Variants in SGCZ observed in about 807,000 individuals in gnomAD.
SGCZ encodes the protein sarcoglycan zeta, also known as zeta-sarcoglycan.
Under a neutral mutation model 41.3 loss-of-function variants are expected in SGCZ, and 40 were observed. The observed-to-expected ratio is 0.97, with a 90% CI of 0.75 to 1.26. The LOEUF is 1.26. Ranked by LOEUF, SGCZ falls within the 50% of genes most tolerant of loss-of-function variation. The pLI, the probability that SGCZ is intolerant of heterozygous loss-of-function variation, is 0.00. For synonymous variants in SGCZ, 206 were observed against 137.5 expected (o/e 1.50, Z -3.49); for missense variants, 552 against 369.8 (o/e 1.49, Z -4.04).
intron 1 of SGCZ, among the ~76,000 whole-genome samples, chr8:14,974,473 G>C (rs1038019702): frequency 6.6e-6 from 1 of 152,128 alleles, no homozygotes; most frequent in Non-Finnish European, 1.5e-5. Context: ...AACCTGATGA[G>C]CATTTCCTAG....
intron 1 of SGCZ, among the ~76,000 whole-genome samples, chr8:14,605,720 T>C (rs571537873): frequency 6.6e-6 from 1 of 152,226 alleles, no homozygotes; most frequent in Non-Finnish European, 1.5e-5. Flanking sequence ...CACTTCTTAT[T>C]TGCAGATATA....
intron 3 of SGCZ, among the ~76,000 whole-genome samples, chr8:14,259,909 C>A (rs901149392): frequency 2.6e-5 from 4 of 152,014 alleles, no homozygotes; most frequent in African/African-American, 4.8e-5. Flanking sequence ...GGCAGTATGG[C>A]CATTTTCACG....
chr8:14,585,908 C>T (rs62498446), intron 1 of SGCZ, among the ~76,000 whole-genome samples: 1 of 152,008 alleles, frequency 6.6e-6, no homozygotes, highest in Non-Finnish European at 1.5e-5. Context: ...AAGTTGGCCA[C>T]ACAGTTGCTT....
chr8:14,433,700 G>A (rs1017876083), intron 2 of SGCZ, among the ~76,000 whole-genome samples: 1 of 152,244 alleles, frequency 6.6e-6, no homozygotes. Flanking sequence ...ACATAAACAC[G>A]CTCTCTGAGG....
chr8:15,069,604 T>C (rs1419605520), intron 1 of SGCZ, among the ~76,000 whole-genome samples: 1 of 152,226 alleles, frequency 6.6e-6, no homozygotes, highest in African/African-American at 2.4e-5. Flanking sequence ...TAATTCACTC[T>C]GACAGTTCTG....
intron 1 of SGCZ, among the ~76,000 whole-genome samples, chr8:14,620,822 C>T (rs1486116220): frequency 6.6e-6 from 1 of 152,144 alleles, no homozygotes; most frequent in Non-Finnish European, 1.5e-5. Flanking sequence ...GAAATAGGAA[C>T]ACTTTTACAC....
At chr8:15,097,864 GTGTATATATATATATATACGTGTGTA>G (rs1806429142) in intron 1 of SGCZ, among the ~76,000 whole-genome samples, 1 of 36,646 alleles carries the variant, frequency 2.7e-5, no homozygotes, top group African/African-American at 8.7e-5. Context: ...ATACGTGTGT[GTGTATATATATATATATACGTGTGTA>G]TATATATATA....
chr8:14,404,301 A>G (rs1279053029), intron 2 of SGCZ, among the ~76,000 whole-genome samples: 1 of 152,190 alleles, frequency 6.6e-6, no homozygotes, highest in African/African-American at 2.4e-5. Flanking sequence ...TATTATGCCA[A>G]ATAAATTACT....
intron 1 of SGCZ, among the ~76,000 whole-genome samples, chr8:14,574,154 C>G (rs1804640068): frequency 6.6e-6 from 1 of 152,038 alleles, no homozygotes; most frequent in Admixed American, 6.6e-5. Context: ...TTCATATAAC[C>G]TTTAGGATTG....
At chr8:15,084,532 C>T (rs917651728) in intron 1 of SGCZ, among the ~76,000 whole-genome samples, 1 of 152,092 alleles carries the variant, frequency 6.6e-6, no homozygotes, top group Non-Finnish European at 1.5e-5. Context: ...TGGCGGATAA[C>T]CTGAGGTCAA....
chr8:14,835,219 G>C (rs572428969), intron 1 of SGCZ, among the ~76,000 whole-genome samples: 16 of 152,248 alleles, frequency 1.1e-4, no homozygotes, highest in African/African-American at 3.9e-4. Context: ...CTCAGTGCTT[G>C]AGCATCTAGA....
At chr8:14,153,709 GCCATT>G (rs1803784860) in intron 5 of SGCZ, among the ~76,000 whole-genome samples, 1 of 151,968 alleles carries the variant, frequency 6.6e-6, no homozygotes, top group South Asian at 2.1e-4. Context: ...GGACCACATA[GCCATT>G]GATGTGTCTA....
intron 1 of SGCZ, among the ~76,000 whole-genome samples, chr8:14,558,105 G>C (rs893336890): frequency 5.3e-5 from 8 of 152,072 alleles, no homozygotes; most frequent in African/African-American, 1.9e-4. Context: ...AACCTTCCTA[G>C]TTTAATTCAG....
chr8:14,467,376 T>C (rs1010673114), intron 2 of SGCZ, among the ~76,000 whole-genome samples: 5 of 151,956 alleles, frequency 3.3e-5, no homozygotes. Flanking sequence ...ATGGCCATTG[T>C]CTCTTTATCT....
chr8:14,118,232 C>G (rs192946239), intron 5 of SGCZ, among the ~76,000 whole-genome samples: 1 of 152,228 alleles, frequency 6.6e-6, no homozygotes, highest in Admixed American at 6.5e-5. Context: ...TCTCCACATT[C>G]TCTCCAGCAT....
intron 1 of SGCZ, among the ~76,000 whole-genome samples, chr8:14,760,147 T>C (rs931774169): frequency 2.0e-5 from 3 of 152,174 alleles, no homozygotes; most frequent in African/African-American, 7.2e-5. Context: ...TACTTAATTA[T>C]GTAAATAAAT....
chr8:14,213,588 C>T (rs1030180862), intron 4 of SGCZ, among the ~76,000 whole-genome samples: 1 of 151,522 alleles, frequency 6.6e-6, no homozygotes, highest in South Asian at 2.1e-4. Context: ...GCTATTAGCA[C>T]GCTTTAAATT....
intron 1 of SGCZ, among the ~76,000 whole-genome samples, chr8:14,616,615 T>A (rs1019343695): frequency 1.3e-5 from 2 of 152,036 alleles, no homozygotes; most frequent in African/African-American, 2.4e-5. Flanking sequence ...ATAAATAAAC[T>A]TGGTGAGGGA....
intron 1 of SGCZ, among the ~76,000 whole-genome samples, chr8:14,830,173 G>C (rs940406222): frequency 6.6e-6 from 1 of 152,086 alleles, no homozygotes; most frequent in Admixed American, 6.5e-5. Flanking sequence ...TAAAAATATG[G>C]ACCAACTTTA....
Sources: allele counts gnomAD v4.1 joint callset (sites outside exome capture counted in the v4.1 genomes callset), GRCh38; gene constraint gnomAD v4.1.1; transcripts MANE v1.5; gene names NCBI Gene and HGNC (gene_info 2026-07-23, HGNC 2026-07-21).